TMPRSS2: variants seen among roughly 807,000 people sequenced by gnomAD.
TMPRSS2 encodes the protein transmembrane serine protease 2.
TMPRSS2 carries 59 observed loss-of-function variants against 67.4 expected under a neutral mutation model. That is an observed-to-expected ratio of 0.88 (90% CI 0.71 to 1.09). The LOEUF is 1.09. Among genes scored for constraint, TMPRSS2 ranks in the 50% least tolerant of loss-of-function variants. The pLI, the probability that TMPRSS2 is intolerant of heterozygous loss-of-function variation, is 0.00. For missense variants in TMPRSS2, 668 were observed against 642.7 expected (o/e 1.04, Z -0.43); for synonymous variants, 257 against 257.0 (o/e 1.00, Z 0.00).
intron 6 of TMPRSS2, among the ~76,000 whole-genome samples, chr21:41,479,791 A>G (rs539981354): frequency 2.6e-5 from 4 of 152,304 alleles, no homozygotes; most frequent in African/African-American, 9.6e-5. Context: ...GGACCCTCCC[A>G]TGGAAAACAA....
intron 3 of TMPRSS2, among the ~76,000 whole-genome samples, chr21:41,493,569 T>C (rs923088147): frequency 7.2e-5 from 11 of 152,304 alleles, no homozygotes; most frequent in African/African-American, 2.6e-4. Flanking sequence ...CAAAATAAAA[T>C]AAAAGCACTA....
intron 10 of TMPRSS2, 81 bp from the exon 11 acceptor site, chr21:41,470,824 G>A (rs983469145): frequency 6.5e-5 from 78 of 1,205,632 alleles, no homozygotes; most frequent in Non-Finnish European, 8.5e-5. Flanking sequence ...GCAGGCTGCT[G>A]GGCCTGGCAC....
Position 41,464,386 on chromosome 21 carries a change from C to CTG in TMPRSS2, c.*1755_*1756insCA, listed in dbSNP as rs1272388100. 1.3e-5 allele frequency among the ~76,000 whole-genome samples: 2 copies of CTG among 152,076 alleles called. No individual in the cohort carries two copies. The highest frequency in any genetic ancestry group is 2.9e-5 in the Non-Finnish European group (2 of 68,016). ...AATAAGAAGGAGTCATTTGAGGGAC[C>CTG]TCTCCAACAGGACAGGCTGCAGGAA... On this transcript the variant is annotated 3_prime_UTR_variant, in exon 14 of 14. Coordinates refer to ENST00000332149, the MANE Select transcript of TMPRSS2 (RefSeq NM_005656.4).
chr21:41,488,943 TC>T (rs1428313659), intron 4 of TMPRSS2, among the ~76,000 whole-genome samples: 1 of 152,016 alleles, frequency 6.6e-6, no homozygotes, highest in Non-Finnish European at 1.5e-5. Context: ...ACCCAGCCAA[TC>T]CCCCACTTTA....
chr21:41,472,351 G>A (rs1460206628), intron 9 of TMPRSS2, among the ~76,000 whole-genome samples: 1 of 152,160 alleles, frequency 6.6e-6, no homozygotes, highest in East Asian at 1.9e-4. Context: ...CTTAATAAAT[G>A]GATACTAATG....
At chr21:41,466,358 G>A (rs1013914828) in intron 13 of TMPRSS2, among the ~76,000 whole-genome samples, 6 of 152,216 alleles carry the variant, frequency 3.9e-5, no homozygotes, top group Non-Finnish European at 7.4e-5. Flanking sequence ...AGCGGGCAGC[G>A]GATGTGGAGG....
chr21:41,479,543 T>C (rs2091240968), intron 6 of TMPRSS2, among the ~76,000 whole-genome samples: 1 of 152,172 alleles, frequency 6.6e-6, no homozygotes, highest in African/African-American at 2.4e-5. Context: ...GAGAAGGACA[T>C]AGGATTGTAT....
intron 1 of TMPRSS2, chr21:41,502,688 A>G (rs2091432302): frequency 1.6e-6 from 1 of 621,744 alleles, no homozygotes; most frequent in Admixed American, 6.3e-5. Context: ...TGTTCAGCAG[A>G]AACTTGTTTA....
chr21:41,498,010 C>T (rs773791298), intron 2 of TMPRSS2, 109 bp downstream of exon 2: 11 of 807,772 alleles, frequency 1.4e-5, no homozygotes, highest in African/African-American at 3.5e-5. Context: ...CGTGGCCCGG[C>T]GTTCCCTACA....
chr21:41,473,906 G>C (rs964449069), intron 8 of TMPRSS2, among the ~76,000 whole-genome samples: 5 of 108,046 alleles, frequency 4.6e-5, no homozygotes, highest in Non-Finnish European at 9.5e-5. Context: ...TGAGTGAGAA[G>C]GTGAAGGGGT....
chr21:41,497,761 G>A (rs1297038693), intron 2 of TMPRSS2, among the ~76,000 whole-genome samples: 7 of 152,268 alleles, frequency 4.6e-5, no homozygotes, highest in African/African-American at 1.7e-4. Context: ...GTTGGGCATC[G>A]ATGGGATCCC....
At chr21:41,489,678 C>A (rs1056522064) in intron 3 of TMPRSS2, 85 bp from the exon 4 acceptor site, 1 of 815,122 alleles carries the variant, frequency 1.2e-6, no homozygotes, top group South Asian at 1.7e-5. Context: ...TTTTATAGTA[C>A]ACCACATTAA....
At chr21:41,491,517 C>A (rs1569023237) in intron 3 of TMPRSS2, among the ~76,000 whole-genome samples, 1 of 152,176 alleles carries the variant, frequency 6.6e-6, no homozygotes, top group African/African-American at 2.4e-5. Flanking sequence ...CCCAGGCACA[C>A]GATGTTCTCA....
rs772806984 is a variant in TMPRSS2, at chr21:41,494,430, C to T, written c.164G>A (p.Arg55Lys). 1.9e-6 allele frequency: 3 copies of T among 1,612,830 alleles called. No individual in the cohort carries two copies. In the South Asian group the frequency reaches 3.3e-5, roughly 18 times the overall value. Reference protein sequence around the residue: ...YPSPVPQYAPRVLTQASNPVV... With the variant: ...YPSPVPQYAPKVLTQASNPVV... ...GGGGTTGGAAGCCTGCGTCAGGACC[C>T]TCGGGGCGTACTGGGGCACGGGGGA... Residue 55 changes from arginine (R) to lysine (K), a missense_variant, in exon 3 of 14, where the codon AGG (arginine) becomes AAG (lysine). Arg to Lys is a conservative substitution (Grantham distance 26). Coordinates refer to ENST00000332149, the MANE Select transcript of TMPRSS2 (RefSeq NM_005656.4).
rs1056556964 is a variant in TMPRSS2 at position 41,464,359 on chromosome 21, A to G, written c.*1783T>C. On this transcript the variant is annotated 3_prime_UTR_variant, in exon 14 of 14. Coordinates refer to ENST00000332149, the MANE Select transcript of TMPRSS2 (RefSeq NM_005656.4). ...AGGAGCATGGAAACAGACTAATAGA[A>G]TAATAAGAAGGAGTCATTTGAGGGA... is the stretch of plus-strand genomic sequence containing the variant. 6.6e-6 allele frequency among the ~76,000 whole-genome samples: 1 copy of G among 152,208 alleles called. No individual in the cohort carries two copies. The highest frequency in any genetic ancestry group is 6.5e-5 in the Admixed American group (1 of 15,276).
At chr21:41,487,916 C>T (rs1345341635) in intron 5 of TMPRSS2, 1 of 153,576 alleles carries the variant, frequency 6.5e-6, no homozygotes, top group African/African-American at 2.4e-5. Flanking sequence ...CCTCAGCCTC[C>T]TGAATAGCTG....
chr21:41,480,718 A>G, intron 5 of TMPRSS2, 116 bp from the exon 6 acceptor site: 1 of 1,416,086 alleles, frequency 7.1e-7, no homozygotes, highest in Non-Finnish European at 9.6e-7. Context: ...CACTCACTGC[A>G]GCCTCCGCCT....
chr21:41,476,695 C>G, intron 7 of TMPRSS2, 75 bp from the exon 8 acceptor site: 1 of 1,287,786 alleles, frequency 7.8e-7, no homozygotes, highest in Non-Finnish European at 1.1e-6. Flanking sequence ...AGAAATCAGT[C>G]ATTTCTTCCG....
chr21:41,488,381 A>G lies in TMPRSS2; in HGVS notation c.445+13T>C, dbSNP rs753948526. The G allele has an allele frequency of 4.3e-6, 7 of 1,609,508 alleles. No homozygotes were observed. The highest frequency in any genetic ancestry group is 5.9e-6 in the Non-Finnish European group (7 of 1,177,188). ...AGCAGAGGAGTCCCTTCCCAAGGTCAAGGCTGACTCACCACACCGATTCTC... is the reference window on the plus strand; with the variant it reads ...AGCAGAGGAGTCCCTTCCCAAGGTCGAGGCTGACTCACCACACCGATTCTC... On this transcript the variant is annotated intron_variant, in intron 5 of 13. Coordinates refer to ENST00000332149, the MANE Select transcript of TMPRSS2 (RefSeq NM_005656.4).
Sources: gnomAD v4.1 joint callset for allele counts (sites outside exome capture counted in the v4.1 genomes callset) on GRCh38, gnomAD v4.1.1 for gene constraint, MANE v1.5 for transcripts, NCBI Gene and HGNC (gene_info 2026-07-23, HGNC 2026-07-21) for gene names.